PRKN: variants seen among roughly 807,000 people sequenced by gnomAD.
PRKN encodes the protein parkin RBR E3 ubiquitin protein ligase.
PRKN carries 56 observed loss-of-function variants against 59.5 expected under a neutral mutation model. That is an observed-to-expected ratio of 0.94 (90% CI 0.76 to 1.18). The LOEUF is 1.18. Ranked by LOEUF, PRKN falls within the 50% of genes most tolerant of loss-of-function variation. The pLI, the probability that PRKN is intolerant of heterozygous loss-of-function variation, is 0.00. For missense variants in PRKN, 657 were observed against 596.4 expected (o/e 1.10, Z -1.06); for synonymous variants, 250 against 222.1 (o/e 1.13, Z -1.12).
rs1790266463 is a variant in PRKN at position 161,462,456 on chromosome 6, A to G, written c.1084-75579T>C. On this transcript the variant is annotated intron_variant, in intron 9 of 11. Transcript: ENST00000366898. The surrounding 1 kb of genome is among the most constrained non-coding windows in gnomAD (Gnocchi z 4.5). The stretch of plus-strand genomic sequence containing the variant: ...TACCTTGAAGCTAATGACTAGCTAA[A>G]TTAGTTATATGGCCCAAAGCAAAGA... Among the ~76,000 whole-genome samples, 2 of 152,178 alleles carry G rather than the reference A, an allele frequency of 1.3e-5. No homozygotes were observed. The highest frequency in any genetic ancestry group is 1.3e-4 in the Admixed American group (2 of 15,280).
At position 162,563,029 on chromosome 6, in the gene PRKN, G is replaced by A. The variant is rs188322195; in HGVS notation, c.8-119556C>T. ...TTAAGAGAAAGCAAGAGAGCCGGGC[G>A]CAGTGGCTCACGCCTGTAATCCCAG... is the stretch of plus-strand genomic sequence containing the variant. On this transcript the variant is annotated intron_variant, in intron 1 of 11. Coordinates refer to ENST00000366898, the MANE Select transcript of PRKN (RefSeq NM_004562.3). 2.7e-3 allele frequency among the ~76,000 whole-genome samples: 406 copies of A among 152,264 alleles called. 1 individual carries two copies. Among genetic ancestry groups the A allele is most frequent in the African/African-American group, 9.2e-3 (381 of 41,574 alleles).
chr6:161,772,005 A>T (rs531723131), intron 7 of PRKN, among the ~76,000 whole-genome samples: 1 of 152,250 alleles, frequency 6.6e-6, no homozygotes, highest in East Asian at 1.9e-4. Flanking sequence ...AAGTTTTATC[A>T]CAGTTACCGA....
At chr6:162,212,862 A>G (rs1777446839) in intron 3 of PRKN, among the ~76,000 whole-genome samples, 1 of 152,204 alleles carries the variant, frequency 6.6e-6, no homozygotes, top group Non-Finnish European at 1.5e-5. Flanking sequence ...CTGTAACACA[A>G]TGGTAAGTAT....
intron 7 of PRKN, among the ~76,000 whole-genome samples, chr6:161,629,238 T>C (rs1162493158): frequency 6.6e-6 from 1 of 152,026 alleles, no homozygotes; most frequent in East Asian, 1.9e-4. Flanking sequence ...TTCAGAAAAA[T>C]GACTCCTGTA....
intron 1 of PRKN, among the ~76,000 whole-genome samples, chr6:162,566,295 A>G (rs10945843): frequency 0.32 from 46,573 of 147,650 alleles, 7,597 homozygotes; most frequent in East Asian, 0.5. Flanking sequence ...AGATCAGAGC[A>G]GAAATAAATA....
chr6:162,052,846 ATATATG>A (rs1777700216), intron 5 of PRKN, among the ~76,000 whole-genome samples: 1 of 152,176 alleles, frequency 6.6e-6, no homozygotes, highest in African/African-American at 2.4e-5. Context: ...CTATGTATGT[ATATATG>A]TATAACACAT....
intron 7 of PRKN, among the ~76,000 whole-genome samples, chr6:161,697,781 G>A (rs1054242591): frequency 6.6e-6 from 1 of 152,072 alleles, no homozygotes; most frequent in Non-Finnish European, 1.5e-5. Flanking sequence ...TAAACATCAA[G>A]GAGGGACAAT....
At position 161,936,484 on chromosome 6, in the gene PRKN, C is replaced by T. The variant is rs972474755; in HGVS notation, c.734+36818G>A. Among the ~76,000 whole-genome samples, 107 of 152,070 alleles carry T rather than the reference C, an allele frequency of 7.0e-4. 9 individuals carry two copies. Among genetic ancestry groups the T allele is most frequent in the Non-Finnish European group, 8.8e-5 (6 of 68,026 alleles). ...TTTGCCTCCCAAAGTGCTGGGATTA[C>T]AGGCGTGAGTCACCATGCCCGGCTG... On this transcript the variant is annotated intron_variant, in intron 6 of 11. Transcript: ENST00000366898.
chr6:162,151,824 G>A (rs990165414), intron 4 of PRKN, among the ~76,000 whole-genome samples: 4 of 152,104 alleles, frequency 2.6e-5, no homozygotes, highest in African/African-American at 4.8e-5. Context: ...TTCACATAGG[G>A]TAAGAAATCT....
chr6:162,042,345 T>G (rs1784097882), intron 5 of PRKN, among the ~76,000 whole-genome samples: 1 of 152,010 alleles, frequency 6.6e-6, no homozygotes, highest in African/African-American at 2.4e-5. Flanking sequence ...CAGGCTGGAG[T>G]GCAGTGGCCA....
chr6:161,631,221 G>A (rs946939922), intron 7 of PRKN, among the ~76,000 whole-genome samples: 2 of 152,192 alleles, frequency 1.3e-5, no homozygotes. Context: ...CAACATTGTG[G>A]GATTCCATAG....
At chr6:161,753,817 A>T (rs1788797067) in intron 7 of PRKN, among the ~76,000 whole-genome samples, 1 of 152,172 alleles carries the variant, frequency 6.6e-6, no homozygotes. Flanking sequence ...AGGCAATGAG[A>T]AAGGTCCCTT....
At chr6:162,337,882 T>C (rs893427887) in intron 2 of PRKN, among the ~76,000 whole-genome samples, 1 of 152,152 alleles carries the variant, frequency 6.6e-6, no homozygotes, top group African/African-American at 2.4e-5. Flanking sequence ...GTATTACAAG[T>C]AACAAACTAC....
At position 161,680,757 on chromosome 6, in the gene PRKN, ATATATATATATATATATATTTTTT is replaced by A. The variant is rs1485877807; in HGVS notation, c.871+104991_871+105014del. 1.6e-3 allele frequency among the ~76,000 whole-genome samples: 22 copies of A among 14,172 alleles called. No individual in the cohort carries two copies. The South Asian group carries it at 0.023, about 15-fold the overall frequency. The allele number at this position is 14,172 out of a possible 152,430, so 9.3% of individuals were successfully genotyped here. A position where few individuals can be genotyped will look rare whatever the true frequency, so the allele number is the denominator to read the frequency against. ...TATATATATATATATATATATATAT[ATATATATATATATATATATTTTTT>A]TTTTTTTTTCTTTTCCTAAAACAAC... is the stretch of plus-strand genomic sequence containing the variant. On this transcript the variant is annotated intron_variant, in intron 7 of 11. Transcript: ENST00000366898.
chr6:162,021,148 ATATATATATATATATAT>A lies in PRKN; in HGVS notation c.618+32926_618+32942del, dbSNP rs1562465518. 6.6e-3 allele frequency among the ~76,000 whole-genome samples: 85 copies of A among 12,928 alleles called. 10 individuals are homozygous for A. The highest frequency in any genetic ancestry group is 0.026 in the Admixed American group (22 of 850). The allele number at this position is 12,928 out of a possible 152,430, so 8.5% of individuals were successfully genotyped here. ...TATATATATATATATATATATATAT[ATATATATATATATATAT>A]AAAATATATGTGTATATATATTATA... On this transcript the variant is annotated intron_variant, in intron 5 of 11. Coordinates refer to ENST00000366898, the MANE Select transcript of PRKN (RefSeq NM_004562.3).
intron 7 of PRKN, among the ~76,000 whole-genome samples, chr6:161,597,969 G>A (rs1781976484): frequency 6.6e-6 from 1 of 152,134 alleles, no homozygotes; most frequent in African/African-American, 2.4e-5. Context: ...GTGCAGAAGG[G>A]GAGAAGGTCC....
At chr6:162,554,935 T>C (rs1173625555) in intron 1 of PRKN, among the ~76,000 whole-genome samples, 2 of 152,178 alleles carry the variant, frequency 1.3e-5, no homozygotes, top group Non-Finnish European at 2.9e-5. Flanking sequence ...GGGGGCTTTA[T>C]AGAAAGGAGG....
intron 6 of PRKN, among the ~76,000 whole-genome samples, chr6:161,949,726 A>G (rs936300166): frequency 1.2e-4 from 18 of 152,192 alleles, no homozygotes; most frequent in African/African-American, 3.9e-4. Flanking sequence ...TTCCTCTTCC[A>G]GGGATGACTA....
At chr6:161,534,691 G>A (rs1437896079) in intron 9 of PRKN, among the ~76,000 whole-genome samples, 2 of 152,216 alleles carry the variant, frequency 1.3e-5, no homozygotes, top group Admixed American at 1.3e-4. Context: ...CAGCACAGTG[G>A]CTGTGACATC....
Sources: gnomAD v4.1 joint callset for allele counts (sites outside exome capture counted in the v4.1 genomes callset) on GRCh38, gnomAD v4.1.1 for gene constraint, Gnocchi (gnomAD v3.1) non-coding constraint, MANE v1.5 for transcripts, NCBI Gene and HGNC (gene_info 2026-07-23, HGNC 2026-07-21) for gene names.